The following BRD9 variants were observed in gnomAD, a reference collection of about 807,000 sequenced individuals.
BRD9 encodes the protein bromodomain-containing protein 9.
A neutral mutation model predicts 68.7 loss-of-function variants in BRD9; 47 were observed. The ratio of observed to expected loss-of-function variants is 0.68; its 90% confidence interval spans 0.54 to 0.87. The LOEUF (loss-of-function observed/expected upper bound fraction) is 0.87, where lower values mean the gene tolerates loss of function less well. BRD9 is among the 40% of genes least tolerant of loss of function. The pLI is 0.00. For missense variants in BRD9, 670 were observed against 748.4 expected (o/e 0.90, Z 1.22); for synonymous variants, 313 against 293.9 (o/e 1.06, Z -0.67).
intron 8 of BRD9, chr5:883,445 C>G (rs545614512): frequency 2.2e-6 from 1 of 456,680 alleles, no homozygotes. Flanking sequence ...GGGTCTAGAA[C>G]GTCTCCTGCC....
intron 11 of BRD9, 101 bp from the exon 12 acceptor site, chr5:876,313 C>CG (rs1750919985): frequency 1.2e-6 from 1 of 819,556 alleles, no homozygotes; most frequent in Admixed American, 2.1e-5. Flanking sequence ...CGCAGCTCCT[C>CG]GGTCCCCGTG....
intron 13 of BRD9, 111 bp from the exon 14 acceptor site, chr5:870,686 C>G (rs1400451803): frequency 1.3e-6 from 1 of 746,580 alleles, no homozygotes; most frequent in African/African-American, 1.7e-5. Context: ...CGTGAACCCA[C>G]CCCTCAGTAA....
At chr5:876,064 G>A in intron 12 of BRD9, 37 bp downstream of exon 12, 1 of 1,489,228 alleles carries the variant, frequency 6.7e-7, no homozygotes, top group Non-Finnish European at 9.3e-7. Flanking sequence ...CACCCCAAGG[G>A]CACCTGCCCC....
chr5:870,752 G>C (rs886878805), intron 13 of BRD9, among the ~76,000 whole-genome samples, 177 bp from the exon 14 acceptor site: 3 of 152,202 alleles, frequency 2.0e-5, no homozygotes, highest in Non-Finnish European at 4.4e-5. Context: ...TGTCAGGTTG[G>C]AGCTCATGAA....
intron 9 of BRD9, 147 bp downstream of exon 9, chr5:880,960 C>T (rs2150597768): frequency 3.8e-6 from 3 of 786,662 alleles, no homozygotes; most frequent in East Asian, 5.3e-5. Flanking sequence ...GCGCACGTGT[C>T]ACGTTGGGGT....
At chr5:872,559 C>T (rs1407587949) in intron 12 of BRD9, among the ~76,000 whole-genome samples, 2 of 152,146 alleles carry the variant, frequency 1.3e-5, no homozygotes, top group Non-Finnish European at 2.9e-5. Context: ...GGCCACGACA[C>T]GGGAGGGTGA....
chr5:870,516 G>A lies in BRD9; in HGVS notation c.1482C>T (p.Ser494=). 6.2e-7 allele frequency: 1 copy of A among 1,614,192 alleles called. No homozygotes were observed. Among genetic ancestry groups the A allele is most frequent in the Non-Finnish European group, 8.5e-7 (1 of 1,180,028 alleles). ...AGATATCCACAGAAACGTCGGGATA[G>A]GACTTCATCGACATGAACTCCAGAA... ...SSVLEFMSMK[S]YPDVSVDISM... Residue 494 remains serine (S), a synonymous_variant, in exon 14 of 16, where the codon TCC becomes TCT. Transcript: ENST00000467963.
At chr5:869,795 C>T (rs1318705053) in intron 14 of BRD9, among the ~76,000 whole-genome samples, 3 of 152,352 alleles carry the variant, frequency 2.0e-5, no homozygotes, top group African/African-American at 4.8e-5. Context: ...AGTTGTCCCG[C>T]CTTTCCAACA....
chr5:880,470 G>T (rs1487126869), intron 9 of BRD9, among the ~76,000 whole-genome samples: 3 of 151,800 alleles, frequency 2.0e-5, no homozygotes, highest in African/African-American at 4.9e-5. Flanking sequence ...TGGCATGGTG[G>T]AGCTGGGTGA....
chr5:875,883 TAG>T (rs757573696), intron 12 of BRD9, among the ~76,000 whole-genome samples: 2 of 152,116 alleles, frequency 1.3e-5, no homozygotes, highest in South Asian at 2.1e-4. Flanking sequence ...AAGATGGAAA[TAG>T]AGAGTTACGA....
chr5:867,296 C>T, intron 14 of BRD9, among the ~76,000 whole-genome samples: 1 of 152,232 alleles, frequency 6.6e-6, no homozygotes, highest in South Asian at 2.1e-4. Context: ...AAGTCTGCTG[C>T]AGGGGCAGGC....
At chr5:892,158 A>G (rs898798433) in intron 1 of BRD9, 6 of 439,696 alleles carry the variant, frequency 1.4e-5, no homozygotes, top group East Asian at 4.6e-5. Context: ...GGAACCCCGG[A>G]GCCCGATCTC....
chr5:878,336 C>T lies in BRD9; in HGVS notation c.1271+19G>A. The T allele has an allele frequency of 1.2e-6, 2 of 1,612,218 alleles. No individual in the cohort carries two copies. The highest frequency in any genetic ancestry group is 1.7e-6 in the Non-Finnish European group (2 of 1,179,968). On this transcript the variant is annotated intron_variant, in intron 11 of 15. Coordinates refer to ENST00000467963, the MANE Select transcript of BRD9 (RefSeq NM_023924.5). ...TCAAGCTGCACAGCAGCCAAGGGCT[C>T]CCCGGGGCCGACACTTGCCTCAGCG...
chr5:886,921 A>G, intron 6 of BRD9: 1 of 776,828 alleles, frequency 1.3e-6, no homozygotes, highest in Non-Finnish European at 2.0e-6. Context: ...TGGGGGCTTG[A>G]CCCACCGCCA....
chr5:887,534 G>C (rs1331955571), intron 5 of BRD9, 63 bp from the exon 6 acceptor site: 3 of 1,273,036 alleles, frequency 2.4e-6, no homozygotes, highest in African/African-American at 1.5e-5. Context: ...CAAAGCTCTA[G>C]ATGACTACCA....
At chr5:866,613 T>C (rs1025866072) in intron 14 of BRD9, 3 of 152,402 alleles carry the variant, frequency 2.0e-5, no homozygotes, top group African/African-American at 7.2e-5. Context: ...GAGGACCCCA[T>C]TGGGAATGGG....
chr5:869,223 T>C (rs925032962), intron 14 of BRD9: 2 of 432,456 alleles, frequency 4.6e-6, no homozygotes, highest in Non-Finnish European at 9.3e-6. Flanking sequence ...CAGGCCATGA[T>C]GTGAAGCGGG....
At chr5:873,709 C>A (rs1009064337) in intron 12 of BRD9, among the ~76,000 whole-genome samples, 1 of 152,212 alleles carries the variant, frequency 6.6e-6, no homozygotes, top group Non-Finnish European at 1.5e-5. Context: ...AAAACCTCGG[C>A]ATGGGTGTCT....
chr5:873,788 A>T (rs76128846), intron 12 of BRD9, among the ~76,000 whole-genome samples: 1,608 of 152,322 alleles, frequency 0.011, 21 homozygotes, highest in African/African-American at 0.035. Flanking sequence ...CGTCAGGTCA[A>T]GGGACTGACC....
Sources: allele counts gnomAD v4.1 joint callset (sites outside exome capture counted in the v4.1 genomes callset), GRCh38; gene constraint gnomAD v4.1.1; transcripts MANE v1.5; gene names NCBI Gene and HGNC (gene_info 2026-07-23, HGNC 2026-07-21).